CFAP44: variants seen among roughly 807,000 people sequenced by gnomAD.
CFAP44 encodes cilia and flagella associated protein 44.
A neutral mutation model predicts 216.2 loss-of-function variants in CFAP44; 134 were observed. The observed-to-expected ratio is 0.62, with a 90% confidence interval of 0.54 to 0.72. The LOEUF (loss-of-function observed/expected upper bound fraction) is 0.72. Ranked by LOEUF, CFAP44 falls within the 30% of genes least tolerant of loss-of-function variation. CFAP44 has a pLI of 0.00. For missense variants in CFAP44, 2,035 were observed against 2,182.1 expected (o/e 0.93, Z 1.34); for synonymous variants, 700 against 727.6 (o/e 0.96, Z 0.61).
At chr3:113,350,390 G>A (rs9842039) in intron 22 of CFAP44, among the ~76,000 whole-genome samples, 2 of 151,822 alleles carry the variant, frequency 1.3e-5, no homozygotes, top group East Asian at 3.9e-4. Context: ...GTCAAAGAGA[G>A]AGAGGAAGAG....
intron 22 of CFAP44, among the ~76,000 whole-genome samples, chr3:113,358,438 C>G (rs1950510818): frequency 6.6e-6 from 1 of 151,848 alleles, no homozygotes; most frequent in Admixed American, 6.6e-5. Context: ...TTTTTTATTT[C>G]TTAATACATA....
intron 34 of CFAP44, chr3:113,294,197 C>T (rs536580683): frequency 5.2e-5 from 19 of 368,858 alleles, no homozygotes; most frequent in South Asian, 3.6e-4. Flanking sequence ...TAGGTATATC[C>T]ACCACATACA....
chr3:113,346,957 G>A (rs142851572), intron 22 of CFAP44, among the ~76,000 whole-genome samples: 1 of 152,174 alleles, frequency 6.6e-6, no homozygotes, highest in African/African-American at 2.4e-5. Context: ...AAGGCCCGTG[G>A]CTTCATTCTT....
At chr3:113,428,754 G>A (rs1935027837) in intron 2 of CFAP44, 1 of 152,242 alleles carries the variant, frequency 6.6e-6, no homozygotes, top group African/African-American at 2.4e-5. Flanking sequence ...GATGGGTGCA[G>A]GAGGAAGCAA....
At chr3:113,358,476 A>C (rs1466023572) in intron 22 of CFAP44, among the ~76,000 whole-genome samples, 2 of 152,172 alleles carry the variant, frequency 1.3e-5, no homozygotes, top group African/African-American at 4.8e-5. Context: ...TTGATATAAA[A>C]TAAATAATTC....
At chr3:113,322,442 C>T (rs1291471928) in intron 28 of CFAP44, among the ~76,000 whole-genome samples, 3 of 152,122 alleles carry the variant, frequency 2.0e-5, no homozygotes, top group African/African-American at 7.2e-5. Context: ...TGAACATACA[C>T]TTCTCAAAAG....
rs777882079 is a variant in CFAP44, at chr3:113,380,887, A to G, written c.2052+12T>C. 1.3e-6 allele frequency: 2 copies of G among 1,553,514 alleles called. No individual in the cohort carries two copies. Among genetic ancestry groups the G allele is most frequent in the Admixed American group, 3.9e-5 (2 of 51,052 alleles). On this transcript the variant is annotated intron_variant, in intron 16 of 34. Coordinates refer to ENST00000393845, the MANE Select transcript of CFAP44 (RefSeq NM_001164496.2). ...AATTATTATAAGATAATGCTTCAGG[A>G]ATATTCCATACCAGAATCTTAGATT...
chr3:113,313,822 T>C (rs1268410850), intron 28 of CFAP44, among the ~76,000 whole-genome samples: 1 of 152,332 alleles, frequency 6.6e-6, no homozygotes, highest in Non-Finnish European at 1.5e-5. Context: ...TCCCCAGCCA[T>C]GTGGAAGTGT....
chr3:113,332,691 A>G (rs1950250483), intron 25 of CFAP44, among the ~76,000 whole-genome samples: 1 of 152,214 alleles, frequency 6.6e-6, no homozygotes, highest in Non-Finnish European at 1.5e-5. Context: ...GAAAATGGGC[A>G]TCAGAATGAT....
At chr3:113,296,239 G>A (rs1171695918) in intron 33 of CFAP44, among the ~76,000 whole-genome samples, 1 of 151,976 alleles carries the variant, frequency 6.6e-6, no homozygotes, top group African/African-American at 2.4e-5. Context: ...ATTTTTTATG[G>A]CTGCGTAGTA....
At position 113,373,576 on chromosome 3, in the gene CFAP44, C is replaced by T. The variant is rs1354494390; in HGVS notation, c.2299-20G>A. On this transcript the variant is annotated intron_variant, in intron 17 of 34. Transcript: ENST00000393845. The stretch of plus-strand genomic sequence containing the variant: ...GCCACCCTAGAAAAGAGATAAGTAA[C>T]ATAGAAGGTGGTACTTGAATATAAC... 6.5e-7 allele frequency: 1 copy of T among 1,530,624 alleles called. No individual in the cohort carries two copies. The highest frequency in any genetic ancestry group is 2.4e-5 in the East Asian group (1 of 42,354). 94.8% of individuals were successfully genotyped at this position (1,530,624 alleles called of 1,614,324 possible).
chr3:113,418,073 T>TATTTA (rs944562537), intron 5 of CFAP44, among the ~76,000 whole-genome samples: 1 of 151,860 alleles, frequency 6.6e-6, no homozygotes, highest in Non-Finnish European at 1.5e-5. Flanking sequence ...TTTATTTATT[T>TATTTA]ATTTATTTAT....
chr3:113,344,969 A>G (rs1270930755), intron 22 of CFAP44, among the ~76,000 whole-genome samples: 3 of 151,252 alleles, frequency 2.0e-5, no homozygotes, highest in South Asian at 4.1e-4. Context: ...TTTTCATAAT[A>G]TGTGGAAAAA....
chr3:113,408,258 G>A (rs907200717), intron 7 of CFAP44, among the ~76,000 whole-genome samples: 3 of 152,172 alleles, frequency 2.0e-5, no homozygotes, highest in Non-Finnish European at 4.4e-5. Flanking sequence ...GAAAGAGAGA[G>A]AAAGACAAGA....
At chr3:113,427,909 G>A (rs1471785487) in intron 2 of CFAP44, among the ~76,000 whole-genome samples, 1 of 152,018 alleles carries the variant, frequency 6.6e-6, no homozygotes, top group Non-Finnish European at 1.5e-5. Flanking sequence ...ATAGAGCTAG[G>A]TGAACTTTCA....
intron 22 of CFAP44, among the ~76,000 whole-genome samples, chr3:113,355,013 C>T: frequency 6.6e-6 from 1 of 152,204 alleles, no homozygotes; most frequent in South Asian, 2.1e-4. Context: ...TCACAAGACT[C>T]TTTGCAGACA....
Position 113,396,605 on chromosome 3 carries a change from A to T in CFAP44, c.1692T>A (p.Asp564Glu), listed in dbSNP as rs1293418099. Residue 564 changes from aspartate to glutamate, a missense_variant, in exon 14 of 35, where the codon GAT becomes GAA. Coordinates refer to ENST00000393845, the MANE Select transcript of CFAP44 (RefSeq NM_001164496.2). ...FAGRKKILDA[D>E]IQLKQVFKPH... ...GTTTGAAAACCTGTTTCAACTGAATATCAGCATCCAAAATTTTCTTCCGTC... is the reference window on the plus strand; with the variant it reads ...GTTTGAAAACCTGTTTCAACTGAATTTCAGCATCCAAAATTTTCTTCCGTC... 1 of 1,614,144 alleles carries T rather than the reference A, an allele frequency of 6.2e-7. No homozygotes were observed. Among genetic ancestry groups the T allele is most frequent in the Non-Finnish European group, 8.5e-7 (1 of 1,180,008 alleles).
chr3:113,426,008 T>C, intron 4 of CFAP44, 116 bp downstream of exon 4: 2 of 1,265,530 alleles, frequency 1.6e-6, no homozygotes, highest in Non-Finnish European at 2.2e-6. Context: ...GCAATAAAAC[T>C]TGATTTACCA....
intron 15 of CFAP44, among the ~76,000 whole-genome samples, chr3:113,385,570 G>C (rs927551814): frequency 6.6e-6 from 1 of 152,072 alleles, no homozygotes; most frequent in South Asian, 2.1e-4. Context: ...ACAGCTGTCG[G>C]TGGACTGCTC....
Sources: gnomAD v4.1 joint callset for allele counts (sites outside exome capture counted in the v4.1 genomes callset) on GRCh38, gnomAD v4.1.1 for gene constraint, MANE v1.5 for transcripts, NCBI Gene and HGNC (gene_info 2026-07-23, HGNC 2026-07-21) for gene names.